The following RNF166 variants were observed in gnomAD, a reference collection of about 807,000 sequenced individuals.
RNF166 encodes the protein E3 ubiquitin-protein ligase RNF166.
A neutral mutation model predicts 29.4 loss-of-function variants in RNF166; 19 were observed. That is an observed-to-expected ratio of 0.65 (90% CI 0.45 to 0.95). RNF166 has a LOEUF of 0.95. Ranked by LOEUF, RNF166 falls within the 40% of genes least tolerant of loss-of-function variation. The pLI, the probability that RNF166 is intolerant of heterozygous loss-of-function variation, is 0.00. For missense variants in RNF166, 347 were observed against 322.1 expected (o/e 1.08, Z -0.59); for synonymous variants, 171 against 134.5 (o/e 1.27, Z -1.88).
chr16:88,697,532 C>T lies in RNF166; in HGVS notation c.*36G>A. On this transcript the variant is annotated 3_prime_UTR_variant, in exon 6 of 6. Coordinates refer to ENST00000312838, the MANE Select transcript of RNF166 (RefSeq NM_178841.4). ...GTGCGACACAGGAGCGGGGACATCC[C>T]TGACCCCAGACGCAGGCGGGTGGCT... 6.7e-7 allele frequency: 1 copy of T among 1,501,318 alleles called. No homozygotes were observed. Among genetic ancestry groups the T allele is most frequent in the East Asian group, 2.5e-5 (1 of 40,306 alleles). 93.0% of individuals were successfully genotyped at this position (1,501,318 alleles called of 1,614,324 possible).
At chr16:88,698,693 C>A in intron 4 of RNF166, 84 bp from the exon 5 acceptor site, 4 of 1,049,552 alleles carry the variant, frequency 3.8e-6, no homozygotes, top group Non-Finnish European at 5.5e-6. Context: ...TCCACTGAGC[C>A]CCGTCAGTGC....
At chr16:88,704,088 G>A (rs1597413338) in intron 1 of RNF166, 1 of 984,308 alleles carries the variant, frequency 1.0e-6, no homozygotes, top group East Asian at 1.1e-4. Context: ...CCCCCACACT[G>A]GGATACTCTT....
intron 1 of RNF166, among the ~76,000 whole-genome samples, chr16:88,704,798 T>A (rs983463375): frequency 6.6e-6 from 1 of 152,194 alleles, no homozygotes; most frequent in African/African-American, 2.4e-5. Context: ...GAGACCAGCC[T>A]GGCCAACATG....
chr16:88,705,023 C>G (rs965660560), intron 1 of RNF166, among the ~76,000 whole-genome samples: 1 of 152,212 alleles, frequency 6.6e-6, no homozygotes, highest in Non-Finnish European at 1.5e-5. Flanking sequence ...AGGCTGCCCC[C>G]CCAAAATGTC....
chr16:88,701,138 G>A lies in RNF166; in HGVS notation c.312+124C>T. 8 of 1,333,978 alleles carry A rather than the reference G, an allele frequency of 6.0e-6. No individual in the cohort carries two copies. In the Admixed American group the frequency reaches 1.6e-4, roughly 26 times the overall value. 82.6% of individuals were successfully genotyped at this position (1,333,978 alleles called of 1,614,324 possible). A position where few individuals can be genotyped will look rare whatever the true frequency, so the allele number is the denominator to read the frequency against. ...CCGGGGCTGGCTTCCTGGTGCAGGA[G>A]CAGAGACCGCGATTACTCAACAGGA... On this transcript the variant is annotated intron_variant, in intron 2 of 5. Coordinates refer to ENST00000312838, the MANE Select transcript of RNF166 (RefSeq NM_178841.4).
chr16:88,700,060 G>C (rs1910056009), intron 2 of RNF166: 1 of 191,416 alleles, frequency 5.2e-6, no homozygotes, highest in African/African-American at 2.3e-5. Flanking sequence ...GCCAAGTGGA[G>C]GCCACTCAGA....
chr16:88,706,079 C>A (rs1478333841), intron 1 of RNF166, 92 bp downstream of exon 1: 1 of 878,914 alleles, frequency 1.1e-6, no homozygotes. Context: ...CGCGCCCAGT[C>A]CGGAGCTGCA....
chr16:88,703,895 C>A (rs1910514107), intron 1 of RNF166: 1 of 985,354 alleles, frequency 1.0e-6, no homozygotes, highest in African/African-American at 1.7e-5. Flanking sequence ...AGCCCCACAG[C>A]TGTCCTGCAC....
chr16:88,703,723 C>T (rs1473625841), intron 1 of RNF166: 4 of 985,344 alleles, frequency 4.1e-6, no homozygotes, highest in African/African-American at 1.7e-5. Context: ...GGTGTGGGGG[C>T]GTCGACAGCC....
intron 5 of RNF166, 69 bp downstream of exon 5, chr16:88,698,433 G>T: frequency 1.6e-6 from 2 of 1,257,238 alleles, no homozygotes; most frequent in Non-Finnish European, 2.3e-6. Context: ...TGAGGCTGGC[G>T]AGGGGCCCGA....
At chr16:88,699,418 C>G (rs1909979648) in intron 3 of RNF166, among the ~76,000 whole-genome samples, 1 of 152,244 alleles carries the variant, frequency 6.6e-6, no homozygotes, top group South Asian at 2.1e-4. Flanking sequence ...TGAGCTGTCC[C>G]TACCCCAGGG....
chr16:88,698,340 A>G (rs75746195), intron 5 of RNF166, 162 bp downstream of exon 5: 47,102 of 722,784 alleles, frequency 0.065, 2,356 homozygotes, highest in African/African-American at 0.18. Flanking sequence ...CCCCACCTGC[A>G]GGCAGCCCCC....
chr16:88,696,602 A>G lies in RNF166; in HGVS notation c.*966T>C. 1 of 454,564 alleles carries G rather than the reference A, an allele frequency of 2.2e-6. No individual in the cohort carries two copies. Among genetic ancestry groups the G allele is most frequent in the Non-Finnish European group, 4.4e-6 (1 of 226,478 alleles). 28.2% of individuals were successfully genotyped at this position (454,564 alleles called of 1,614,324 possible). A position where few individuals can be genotyped will look rare whatever the true frequency, so the allele number is the denominator to read the frequency against. ...TGTTGACGTGTTGCCCGGCCCGCCA[A>G]GCGGGCCCCTGCCCAGGCCCCCAAG... On this transcript the variant is annotated 3_prime_UTR_variant, in exon 6 of 6. Coordinates refer to ENST00000312838, the MANE Select transcript of RNF166 (RefSeq NM_178841.4).
At position 88,701,545 on chromosome 16, in the gene RNF166, C is replaced by T. The variant is rs1208414656; in HGVS notation, c.156-127G>A. 3.1e-5 allele frequency: 28 copies of T among 904,726 alleles called. 1 individual carries two copies. Among genetic ancestry groups the T allele is most frequent in the South Asian group, 8.9e-5 (5 of 56,480 alleles). The allele number at this position is 904,726 out of a possible 1,614,324, so 56.0% of individuals were successfully genotyped here. ...CAGGGGCAGCTCCCCCTACCGCTGT[C>T]GCCGTCTCTGGAGATGGTCACTCCT... On this transcript the variant is annotated intron_variant, in intron 1 of 5. Transcript: ENST00000312838.
At chr16:88,705,488 G>A (rs1477671271) in intron 1 of RNF166, among the ~76,000 whole-genome samples, 1 of 152,186 alleles carries the variant, frequency 6.6e-6, no homozygotes, top group Non-Finnish European at 1.5e-5. Context: ...ACAGCTCCCC[G>A]CCAGGAGAGC....
intron 1 of RNF166, among the ~76,000 whole-genome samples, chr16:88,702,520 C>G (rs1910353037): frequency 6.6e-6 from 1 of 152,190 alleles, no homozygotes; most frequent in Non-Finnish European, 1.5e-5. Context: ...ATTTCCACAT[C>G]CCTCAAGAAA....
chr16:88,700,918 C>T (rs1246307181), intron 2 of RNF166: 10 of 1,162,016 alleles, frequency 8.6e-6, no homozygotes, highest in East Asian at 6.7e-5. Flanking sequence ...GCGCCGTCCC[C>T]GGTATCGGCT....
chr16:88,698,433 G>A (rs762522116), intron 5 of RNF166, 69 bp downstream of exon 5: 13 of 1,257,240 alleles, frequency 1.0e-5, no homozygotes, highest in South Asian at 2.6e-5. Context: ...TGAGGCTGGC[G>A]AGGGGCCCGA....
intron 2 of RNF166, 36 bp downstream of exon 2, chr16:88,701,226 G>A: frequency 6.2e-7 from 1 of 1,612,560 alleles, no homozygotes; most frequent in Non-Finnish European, 8.5e-7. Flanking sequence ...CCCATCAAGT[G>A]ACCCCGGCTC....
Sources: allele counts gnomAD v4.1 joint callset (sites outside exome capture counted in the v4.1 genomes callset), GRCh38; gene constraint gnomAD v4.1.1; transcripts MANE v1.5; gene names NCBI Gene and HGNC (gene_info 2026-07-23, HGNC 2026-07-21).